Variants in ABCC4 observed in about 807,000 individuals in gnomAD.
The protein encoded by ABCC4 is ATP-binding cassette sub-family C member 4.
Under a neutral mutation model 168.5 loss-of-function variants are expected in ABCC4, and 102 were observed. The observed-to-expected ratio is 0.61, with a 90% CI of 0.52 to 0.71. The LOEUF (loss-of-function observed/expected upper bound fraction) is 0.71. Ranked by LOEUF, ABCC4 falls within the 30% of genes least tolerant of loss-of-function variation. The pLI is 0.00. For synonymous variants in ABCC4, 617 were observed against 590.7 expected (o/e 1.04, Z -0.65); for missense variants, 1,402 against 1,605.8 (o/e 0.87, Z 2.17).
intron 1 of ABCC4, among the ~76,000 whole-genome samples, chr13:95,253,704 A>G (rs2040325220): frequency 6.6e-6 from 1 of 151,850 alleles, no homozygotes; most frequent in African/African-American, 2.4e-5. Context: ...GAGACTGCAC[A>G]CTGCACTCCA....
chr13:95,181,199 C>T (rs541831422), intron 11 of ABCC4, among the ~76,000 whole-genome samples: 16 of 152,184 alleles, frequency 1.1e-4, no homozygotes, highest in Non-Finnish European at 1.9e-4. Context: ...GTGGGTTTGA[C>T]GCCATCTAAC....
intron 1 of ABCC4, among the ~76,000 whole-genome samples, chr13:95,295,271 T>C (rs1226564234): frequency 6.6e-6 from 1 of 152,160 alleles, no homozygotes; most frequent in Non-Finnish European, 1.5e-5. Context: ...ATGTCAGCAC[T>C]TTGGGAGGCC....
intron 1 of ABCC4, among the ~76,000 whole-genome samples, chr13:95,286,085 G>A (rs1475217813): frequency 2.7e-5 from 4 of 149,588 alleles, no homozygotes; most frequent in Non-Finnish European, 5.9e-5. Context: ...GGCAATTTCA[G>A]CCTTGTTGCT....
rs139220072 is a variant in ABCC4, at chr13:95,249,587, CT to C, written c.75-1835del. On this transcript the variant is annotated intron_variant, in intron 1 of 30. Coordinates refer to ENST00000645237, the MANE Select transcript of ABCC4 (RefSeq NM_005845.5). ...GCAAGAAGAACTCATCAACTCACCT[CT>C]TTCTCCTCACCTCCTCCAAAATGTG... 7.9e-5 allele frequency among the ~76,000 whole-genome samples: 12 copies of C among 152,312 alleles called. No individual in the cohort carries two copies. The East Asian group carries it at 2.3e-3, about 29-fold the overall frequency.
intron 20 of ABCC4, among the ~76,000 whole-genome samples, chr13:95,087,918 G>A (rs1301035202): frequency 2.0e-5 from 3 of 152,110 alleles, no homozygotes; most frequent in Non-Finnish European, 4.4e-5. Context: ...ATGGAGTGTT[G>A]GTATGTCTTC....
chr13:95,289,286 G>C lies in ABCC4; in HGVS notation c.74+11955C>G, dbSNP rs1191301154. Among the ~76,000 whole-genome samples, 3 of 152,316 alleles carry C rather than the reference G, an allele frequency of 2.0e-5. No individual in the cohort carries two copies. The East Asian group carries it at 5.8e-4, about 29-fold the overall frequency. ...ACGAGCTCTGAATTCACAAGTGTGA[G>C]ATTTCCTGTCAAGTACTCTCATGAG... On this transcript the variant is annotated intron_variant, in intron 1 of 30. Coordinates refer to ENST00000645237, the MANE Select transcript of ABCC4 (RefSeq NM_005845.5).
At chr13:95,085,307 C>G (rs886785060) in intron 20 of ABCC4, among the ~76,000 whole-genome samples, 2 of 151,778 alleles carry the variant, frequency 1.3e-5, no homozygotes, top group Admixed American at 1.3e-4. Flanking sequence ...GGGTGTGGTG[C>G]CGCATATTTG....
At chr13:95,275,442 C>T (rs1243173307) in intron 1 of ABCC4, among the ~76,000 whole-genome samples, 1 of 152,192 alleles carries the variant, frequency 6.6e-6, no homozygotes, top group African/African-American at 2.4e-5. Flanking sequence ...GTAAACAAAA[C>T]ACACAAAGCC....
intron 20 of ABCC4, among the ~76,000 whole-genome samples, chr13:95,112,977 C>A (rs1380893938): frequency 6.6e-6 from 1 of 152,118 alleles, no homozygotes; most frequent in Non-Finnish European, 1.5e-5. Flanking sequence ...TTGAAAGGGG[C>A]TAAATAAACC....
At chr13:95,206,031 C>T (rs12429872) in intron 8 of ABCC4, among the ~76,000 whole-genome samples, 13,261 of 152,158 alleles carry the variant, frequency 0.087, 823 homozygotes, top group East Asian at 0.19. Flanking sequence ...AAGGCATGCA[C>T]AGAAATTAAC....
intron 26 of ABCC4, among the ~76,000 whole-genome samples, chr13:95,056,223 G>A (rs1397129316): frequency 6.6e-6 from 1 of 152,154 alleles, no homozygotes; most frequent in Non-Finnish European, 1.5e-5. Context: ...CTGCACAGTA[G>A]CTAGCCACAA....
chr13:95,281,246 G>A (rs950511067), intron 1 of ABCC4, among the ~76,000 whole-genome samples: 9 of 138,842 alleles, frequency 6.5e-5, no homozygotes, highest in Admixed American at 2.4e-4. Context: ...GGAGGTGGAC[G>A]TTGCAGTGAG....
chr13:95,043,856 T>A (rs1009948709), intron 28 of ABCC4, 69 bp from the exon 29 acceptor site: 1 of 1,027,816 alleles, frequency 9.7e-7, no homozygotes, highest in South Asian at 1.4e-5. Context: ...TAAAAAGCTC[T>A]ACTTCACAAT....
intron 4 of ABCC4, among the ~76,000 whole-genome samples, chr13:95,229,116 C>A (rs2039548052): frequency 6.6e-6 from 1 of 151,920 alleles, no homozygotes; most frequent in African/African-American, 2.4e-5. Context: ...AAAAGAGAAC[C>A]ACACAGTATC....
chr13:95,077,391 T>G (rs569572580), intron 21 of ABCC4, among the ~76,000 whole-genome samples: 1 of 152,202 alleles, frequency 6.6e-6, no homozygotes, highest in South Asian at 2.1e-4. Flanking sequence ...CAGGCTTGAG[T>G]GCAATGGCAT....
chr13:95,053,562 G>A, intron 26 of ABCC4: 1 of 176,368 alleles, frequency 5.7e-6, no homozygotes, highest in Non-Finnish European at 1.2e-5. Context: ...ATGTAATACT[G>A]GAAAATACCG....
intron 19 of ABCC4, among the ~76,000 whole-genome samples, chr13:95,132,007 T>A (rs1173853290): frequency 6.6e-6 from 1 of 152,146 alleles, no homozygotes; most frequent in Non-Finnish European, 1.5e-5. Context: ...ACACTCATGT[T>A]CACAGCAGCA....
At chr13:95,041,835 GC>G (rs1199738771) in intron 29 of ABCC4, among the ~76,000 whole-genome samples, 1 of 152,208 alleles carries the variant, frequency 6.6e-6, no homozygotes, top group Non-Finnish European at 1.5e-5. Context: ...GAACATAGAG[GC>G]CAGTTCCCAA....
chr13:95,228,203 C>T (rs148840933), intron 4 of ABCC4, among the ~76,000 whole-genome samples: 19 of 152,252 alleles, frequency 1.2e-4, no homozygotes, highest in African/African-American at 4.3e-4. Context: ...CAGAGGGAGA[C>T]GGGGTGGGAA....
Sources: allele counts gnomAD v4.1 joint callset (sites outside exome capture counted in the v4.1 genomes callset), GRCh38; gene constraint gnomAD v4.1.1; transcripts MANE v1.5; gene names NCBI Gene and HGNC (gene_info 2026-07-23, HGNC 2026-07-21).